The following RAP1GDS1 variants were observed in gnomAD, a reference collection of about 807,000 sequenced individuals.
The protein encoded by RAP1GDS1 is RAP1, GTP-GDP dissociation stimulator 1.
Under a neutral mutation model 71.1 loss-of-function variants are expected in RAP1GDS1, and 35 were observed. The observed-to-expected ratio is 0.49, with a 90% CI of 0.38 to 0.65. RAP1GDS1 has a LOEUF of 0.65. RAP1GDS1 is among the 30% of genes least tolerant of loss of function. RAP1GDS1 has a pLI of 0.00. For synonymous variants in RAP1GDS1, 229 were observed against 243.1 expected (o/e 0.94, Z 0.54); for missense variants, 663 against 706.1 (o/e 0.94, Z 0.69).
At chr4:98,265,445 A>G (rs996381305) in intron 1 of RAP1GDS1, among the ~76,000 whole-genome samples, 1 of 152,198 alleles carries the variant, frequency 6.6e-6, no homozygotes, top group Non-Finnish European at 1.5e-5. Context: ...ATACATTTCT[A>G]ACACTAGTGT....
chr4:98,327,527 A>C (rs1165821329), intron 2 of RAP1GDS1, among the ~76,000 whole-genome samples: 1 of 151,868 alleles, frequency 6.6e-6, no homozygotes, highest in Non-Finnish European at 1.5e-5. Context: ...ATTCATGAGA[A>C]CCCTATTTTC....
rs1752103639 is a variant in RAP1GDS1, at chr4:98,443,268, A to G, written c.*1151A>G. 8.6e-6 allele frequency: 2 copies of G among 231,362 alleles called. No homozygotes were observed. Among genetic ancestry groups the G allele is most frequent in the Admixed American group, 5.7e-5 (1 of 17,682 alleles). The allele number at this position is 231,362 out of a possible 1,614,324, so 14.3% of individuals were successfully genotyped here. ...TGCCACCTCCACTTTCCCACTGAGA[A>G]CTGCAGCAATTTTAAAGGATATGAG... On this transcript the variant is annotated 3_prime_UTR_variant, in exon 15 of 15. Coordinates refer to ENST00000408927, the MANE Select transcript of RAP1GDS1 (RefSeq NM_001100427.2).
chr4:98,321,565 C>T (rs1483823281), intron 2 of RAP1GDS1, among the ~76,000 whole-genome samples: 9 of 151,066 alleles, frequency 6.0e-5, no homozygotes, highest in Middle Eastern at 3.4e-3. Context: ...AGACTAACAG[C>T]GGATCTCTCG....
intron 7 of RAP1GDS1, among the ~76,000 whole-genome samples, chr4:98,411,709 A>T (rs1050461576): frequency 1.3e-5 from 2 of 152,300 alleles, no homozygotes; most frequent in East Asian, 3.9e-4. Flanking sequence ...TTATAATTGC[A>T]CAATGGATAG....
intron 5 of RAP1GDS1, among the ~76,000 whole-genome samples, chr4:98,383,161 G>T (rs1259788180): frequency 2.0e-5 from 3 of 151,622 alleles, no homozygotes; most frequent in Non-Finnish European, 3.0e-5. Flanking sequence ...GTAATTGAGG[G>T]TTTAACTTTT....
chr4:98,308,259 T>C (rs1014940133), intron 2 of RAP1GDS1, among the ~76,000 whole-genome samples: 6 of 141,674 alleles, frequency 4.2e-5, no homozygotes, highest in Non-Finnish European at 9.1e-5. Context: ...CATGTATATA[T>C]ACACACACAC....
chr4:98,375,562 T>C (rs902783699), intron 4 of RAP1GDS1, among the ~76,000 whole-genome samples: 1 of 152,184 alleles, frequency 6.6e-6, no homozygotes, highest in Non-Finnish European at 1.5e-5. Flanking sequence ...AGGCTAAGAA[T>C]ACACTAACAT....
In RAP1GDS1 at chr4:98,261,434, C is replaced by G. The variant is rs1258616577; in HGVS notation, c.-132C>G. 2.5e-5 allele frequency: 22 copies of G among 875,480 alleles called. No homozygotes were observed. Among genetic ancestry groups the G allele is most frequent in the Non-Finnish European group, 3.5e-5 (22 of 637,462 alleles). The allele number at this position is 875,480 out of a possible 1,614,324, so 54.2% of individuals were successfully genotyped here. ...CCTGCAGCAGCACCAGCTGCTCCTC[C>G]CCGGCGGCCGCCCCCCGCGGGTCCC... is the stretch of plus-strand genomic sequence containing the variant. On this transcript the variant is annotated 5_prime_UTR_variant, in exon 1 of 15. Coordinates refer to ENST00000408927, the MANE Select transcript of RAP1GDS1 (RefSeq NM_001100427.2).
intron 2 of RAP1GDS1, among the ~76,000 whole-genome samples, chr4:98,331,840 C>T (rs1734059168): frequency 2.6e-5 from 4 of 152,136 alleles, no homozygotes; most frequent in Admixed American, 2.6e-4. Context: ...AGGTTCAAAA[C>T]ACTTGAACAA....
At chr4:98,364,696 T>G (rs1051795989) in intron 4 of RAP1GDS1, among the ~76,000 whole-genome samples, 1 of 151,972 alleles carries the variant, frequency 6.6e-6, no homozygotes, top group Non-Finnish European at 1.5e-5. Context: ...CTTTTTACAT[T>G]TTTCCAAGTA....
chr4:98,364,294 G>GT (rs1401892890), intron 4 of RAP1GDS1, among the ~76,000 whole-genome samples: 2 of 152,086 alleles, frequency 1.3e-5, no homozygotes, highest in African/African-American at 4.8e-5. Flanking sequence ...TGAAATCATA[G>GT]TTTTTTACGT....
chr4:98,377,741 A>C (rs955276103), intron 4 of RAP1GDS1, among the ~76,000 whole-genome samples: 7 of 151,786 alleles, frequency 4.6e-5, no homozygotes, highest in African/African-American at 1.5e-4. Context: ...CAGTTCTTAT[A>C]TTTGGAAAAT....
intron 2 of RAP1GDS1, among the ~76,000 whole-genome samples, chr4:98,340,185 C>A (rs1357012496): frequency 6.6e-6 from 1 of 152,128 alleles, no homozygotes; most frequent in Non-Finnish European, 1.5e-5. Flanking sequence ...TGGTCATGTA[C>A]CCAAAGGAAT....
chr4:98,324,819 T>C (rs2110350257), intron 2 of RAP1GDS1, among the ~76,000 whole-genome samples: 1 of 151,610 alleles, frequency 6.6e-6, no homozygotes, highest in African/African-American at 2.4e-5. Flanking sequence ...ATAAAAACCC[T>C]AGAAGAAAAC....
At chr4:98,355,403 C>T (rs1036604593) in intron 4 of RAP1GDS1, among the ~76,000 whole-genome samples, 7 of 152,042 alleles carry the variant, frequency 4.6e-5, no homozygotes, top group Admixed American at 3.9e-4. Flanking sequence ...TTAATGTACT[C>T]CAAATGAATA....
chr4:98,437,840 C>A (rs540195252), intron 14 of RAP1GDS1, among the ~76,000 whole-genome samples: 2 of 151,042 alleles, frequency 1.3e-5, no homozygotes, highest in African/African-American at 4.9e-5. Flanking sequence ...GGTATATCTT[C>A]TATGGACATT....
chr4:98,366,130 A>C (rs945311145), intron 4 of RAP1GDS1, among the ~76,000 whole-genome samples: 2 of 152,164 alleles, frequency 1.3e-5, no homozygotes, highest in African/African-American at 2.4e-5. Context: ...TCCTCACCCA[A>C]ATCTCATCTT....
At chr4:98,352,889 T>C (rs1212309916) in intron 4 of RAP1GDS1, among the ~76,000 whole-genome samples, 1 of 152,240 alleles carries the variant, frequency 6.6e-6, no homozygotes, top group Non-Finnish European at 1.5e-5. Context: ...AAAATACATA[T>C]GTGCATCTTC....
chr4:98,325,648 C>A lies in RAP1GDS1; in HGVS notation c.113-17491C>A, dbSNP rs1258403494. On this transcript the variant is annotated intron_variant, in intron 2 of 14. Transcript: ENST00000408927. ...GGACATGGATGAAATTGGAAATCAT[C>A]ATTCTCAGTAAACTATCGCAAGAAC... 1.5e-4 allele frequency among the ~76,000 whole-genome samples: 22 copies of A among 150,510 alleles called. No individual in the cohort carries two copies. In the East Asian group the frequency reaches 4.1e-3, roughly 28 times the overall value.
Sources: gnomAD v4.1 joint callset for allele counts (sites outside exome capture counted in the v4.1 genomes callset) on GRCh38, gnomAD v4.1.1 for gene constraint, MANE v1.5 for transcripts, NCBI Gene and HGNC (gene_info 2026-07-23, HGNC 2026-07-21) for gene names.